Variants in ARHGAP25 observed in about 807,000 individuals in gnomAD.
ARHGAP25 encodes the protein Rho GTPase activating protein 25.
In ARHGAP25, 34 loss-of-function variants were observed where a neutral mutation model predicts 71.0. That is an observed-to-expected ratio of 0.48 (90% confidence interval 0.36 to 0.64). The LOEUF is 0.64. Ranked by LOEUF, ARHGAP25 falls within the 30% of genes least tolerant of loss-of-function variation. ARHGAP25 has a pLI of 0.00. For missense variants in ARHGAP25, 706 were observed against 805.1 expected (o/e 0.88, Z 1.49); for synonymous variants, 282 against 296.5 (o/e 0.95, Z 0.50).
intron 1 of ARHGAP25, chr2:68,775,001 G>A: frequency 6.9e-7 from 1 of 1,453,162 alleles, no homozygotes; most frequent in Admixed American, 2.8e-5. Context: ...CTGCAGCCTG[G>A]GTTTTATTCT....
At chr2:68,823,333 T>C (rs1681849158) in intron 10 of ARHGAP25, among the ~76,000 whole-genome samples, 1 of 152,090 alleles carries the variant, frequency 6.6e-6, no homozygotes, top group African/African-American at 2.4e-5. Flanking sequence ...TACAAATATA[T>C]AATAAAATAT....
At chr2:68,751,165 G>A (rs1676146864) in intron 1 of ARHGAP25, among the ~76,000 whole-genome samples, 1 of 152,178 alleles carries the variant, frequency 6.6e-6, no homozygotes, top group South Asian at 2.1e-4. Context: ...AGGGGTTAAA[G>A]GATGCTCATC....
Position 68,775,381 on chromosome 2 carries a change from G to A in ARHGAP25, c.222G>A (p.Gln74=). Residue 74 remains glutamine, a synonymous_variant, in exon 2 of 11, where the codon CAG becomes CAA. Transcript: ENST00000409202. ...QQRYFVLRAQ[Q]LYYYKDEEDT... is the part of the protein sequence containing the mutation. Reference sequence around the variant, plus strand: ...GGTACTTTGTGCTGAGGGCGCAGCAGCTCTACTACTACAAGGATGAAGAGG... The same window carrying A: ...GGTACTTTGTGCTGAGGGCGCAGCAACTCTACTACTACAAGGATGAAGAGG... 6.2e-7 allele frequency: 1 copy of A among 1,614,194 alleles called. No homozygotes were observed. Among genetic ancestry groups the A allele is most frequent in the Non-Finnish European group, 8.5e-7 (1 of 1,180,046 alleles).
upstream of ARHGAP25, chr2:68,734,758 GCAGA>G (rs1675119397): frequency 5.8e-6 from 1 of 171,642 alleles, no homozygotes; most frequent in African/African-American, 2.4e-5. Context: ...ATGCAAGGAA[GCAGA>G]CAGTTAAAAA....
Position 68,797,508 on chromosome 2 carries a change from A to G in ARHGAP25, c.466+9552A>G, listed in dbSNP as rs186413148. ...TTCAGCTTAAGGCCAAGCCTCCACAACAACTCTCCTCTTGCTTAGGACCTG... is the reference window on the plus strand; with the variant it reads ...TTCAGCTTAAGGCCAAGCCTCCACAGCAACTCTCCTCTTGCTTAGGACCTG... On this transcript the variant is annotated intron_variant, in intron 4 of 10. Transcript: ENST00000409202. 1.7e-3 allele frequency among the ~76,000 whole-genome samples: 264 copies of G among 152,270 alleles called. 1 individual carries two copies. The highest frequency in any genetic ancestry group is 6.0e-3 in the African/African-American group (251 of 41,546).
At chr2:68,809,528 G>A (rs1558654482) in intron 5 of ARHGAP25, among the ~76,000 whole-genome samples, 1 of 152,130 alleles carries the variant, frequency 6.6e-6, no homozygotes, top group African/African-American at 2.4e-5. Flanking sequence ...AATTGTGTGT[G>A]GGAGTTCTGA....
intron 5 of ARHGAP25, 116 bp downstream of exon 5, chr2:68,807,596 T>C (rs2103627909): frequency 9.5e-7 from 1 of 1,055,064 alleles, no homozygotes; most frequent in Non-Finnish European, 1.4e-6. Flanking sequence ...CTAAGAGCCC[T>C]GGCTTACAAC....
At chr2:68,819,707 T>C (rs781333632) in intron 9 of ARHGAP25, 6 of 532,238 alleles carry the variant, frequency 1.1e-5, no homozygotes, top group African/African-American at 1.9e-5. Context: ...ACTGGTTTCC[T>C]GCTAACCCAT....
chr2:68,803,589 G>A (rs902061441), intron 4 of ARHGAP25, among the ~76,000 whole-genome samples: 2 of 152,116 alleles, frequency 1.3e-5, no homozygotes, highest in African/African-American at 4.8e-5. Flanking sequence ...CAAAGACTTA[G>A]ACCCACGTGG....
intron 2 of ARHGAP25, among the ~76,000 whole-genome samples, chr2:68,713,133 A>G (rs1674527504): frequency 6.6e-6 from 1 of 152,170 alleles, no homozygotes. Flanking sequence ...GATTCTTCCT[A>G]TCCATGAGCA....
chr2:68,724,020 T>C (rs1329740656), intron 2 of ARHGAP25, among the ~76,000 whole-genome samples: 1 of 152,040 alleles, frequency 6.6e-6, no homozygotes, highest in Non-Finnish European at 1.5e-5. Flanking sequence ...ACTACAGGTG[T>C]GCCACCACGC....
Position 68,734,947 on chromosome 2 carries a change from C to T in ARHGAP25, c.-253C>T. 1.8e-6 allele frequency: 1 copy of T among 571,424 alleles called. No individual in the cohort carries two copies. Among genetic ancestry groups the T allele is most frequent in the Non-Finnish European group, 3.1e-6 (1 of 321,840 alleles). 35.4% of individuals were successfully genotyped at this position (571,424 alleles called of 1,614,324 possible). A position where few individuals can be genotyped will look rare whatever the true frequency, so the allele number is the denominator to read the frequency against. ...AAGCAAGAAAAGCAGGGTGCTAGCC[C>T]CTGTGGGACTGAGGGTGGAGGCTGG... is the stretch of plus-strand genomic sequence containing the variant. On this transcript the variant is annotated 5_prime_UTR_variant, in exon 1 of 11. Coordinates refer to ENST00000409202, the MANE Select transcript of ARHGAP25 (RefSeq NM_001007231.3).
intron 1 of ARHGAP25, among the ~76,000 whole-genome samples, chr2:68,753,454 T>G (rs576430400): frequency 1.3e-5 from 2 of 152,242 alleles, no homozygotes; most frequent in Non-Finnish European, 2.9e-5. Flanking sequence ...TACATTTTCT[T>G]ATTTGTTTGG....
chr2:68,784,221 A>C (rs994585502), intron 3 of ARHGAP25, among the ~76,000 whole-genome samples: 6 of 151,758 alleles, frequency 4.0e-5, no homozygotes, highest in African/African-American at 1.2e-4. Flanking sequence ...ACATCTCATA[A>C]GGACAAATAA....
intron 1 of ARHGAP25, among the ~76,000 whole-genome samples, chr2:68,764,113 T>C (rs1265117615): frequency 2.0e-5 from 3 of 152,222 alleles, no homozygotes; most frequent in African/African-American, 4.8e-5. Context: ...ATGCACAGAC[T>C]CATATAATTT....
intron 2 of ARHGAP25, among the ~76,000 whole-genome samples, chr2:68,715,268 T>C (rs1041516348): frequency 6.6e-6 from 1 of 152,198 alleles, no homozygotes; most frequent in Admixed American, 6.5e-5. Flanking sequence ...CCCAGACTTA[T>C]GGAATCAGAA....
chr2:68,746,244 C>G (rs188657003), intron 1 of ARHGAP25, among the ~76,000 whole-genome samples: 8 of 152,354 alleles, frequency 5.3e-5, no homozygotes, highest in Admixed American at 5.2e-4. Context: ...ATATGTACAA[C>G]TAAGTGAGAA....
At chr2:68,746,783 G>C (rs190049825) in intron 1 of ARHGAP25, among the ~76,000 whole-genome samples, 1 of 152,052 alleles carries the variant, frequency 6.6e-6, no homozygotes, top group East Asian at 1.9e-4. Context: ...GAGGCAGGAG[G>C]ATCACCTGAG....
intron 6 of ARHGAP25, among the ~76,000 whole-genome samples, chr2:68,815,815 G>A (rs1251598770): frequency 7.3e-6 from 1 of 137,686 alleles, no homozygotes; most frequent in Admixed American, 7.3e-5. Flanking sequence ...CCTCCAGCGT[G>A]GTCTGCCTGT....
Sources: allele counts gnomAD v4.1 joint callset (sites outside exome capture counted in the v4.1 genomes callset), GRCh38; gene constraint gnomAD v4.1.1; transcripts MANE v1.5; gene names NCBI Gene and HGNC (gene_info 2026-07-23, HGNC 2026-07-21).